GRM4: variants seen among roughly 807,000 people sequenced by gnomAD.
GRM4 encodes metabotropic glutamate receptor 4.
A neutral mutation model predicts 81.7 loss-of-function variants in GRM4; 28 were observed. The observed-to-expected ratio is 0.34, with a 90% CI of 0.25 to 0.47. GRM4 has a LOEUF of 0.47. Among genes scored for constraint, GRM4 ranks in the 20% least tolerant of loss-of-function variants. The probability of loss-of-function intolerance (pLI) is 1.00; values close to 1 mark genes in which losing one functional copy is unlikely to be tolerated. For missense variants in GRM4, 948 were observed against 1,290.0 expected (o/e 0.73, Z 4.06); for synonymous variants, 488 against 528.8 (o/e 0.92, Z 1.06).
intron 1 of GRM4, among the ~76,000 whole-genome samples, chr6:34,138,027 T>G (rs1770534672): frequency 6.6e-6 from 1 of 152,228 alleles, no homozygotes; most frequent in African/African-American, 2.4e-5. Context: ...AGAGAACTGC[T>G]GTGATTTACC....
intron 3 of GRM4, among the ~76,000 whole-genome samples, chr6:34,072,293 T>TACAC (rs568630049): frequency 0.11 from 12,756 of 114,118 alleles, 1,143 homozygotes; most frequent in African/African-American, 0.28. Context: ...ATCACACAGA[T>TACAC]ACCACACACA....
At chr6:34,061,866 GC>G in intron 4 of GRM4, 26 bp downstream of exon 4, 1 of 1,599,768 alleles carries the variant, frequency 6.3e-7, no homozygotes, top group Non-Finnish European at 8.6e-7. Context: ...GGCTCCCGGT[GC>G]CCACCCTGCT....
At chr6:34,141,921 G>A (rs891749318) in intron 1 of GRM4, among the ~76,000 whole-genome samples, 2 of 152,168 alleles carry the variant, frequency 1.3e-5, no homozygotes, top group African/African-American at 4.8e-5. Flanking sequence ...GGGAGAGGGA[G>A]CCCAGAGAGA....
At chr6:34,144,578 C>G (rs895221899) in intron 1 of GRM4, among the ~76,000 whole-genome samples, 2 of 152,166 alleles carry the variant, frequency 1.3e-5, no homozygotes, top group African/African-American at 4.8e-5. Flanking sequence ...CGGCCGCTGG[C>G]GAAGGCGGCG....
chr6:34,028,460 C>T (rs1280555309), intron 9 of GRM4, 94 bp from the exon 10 acceptor site: 8 of 1,380,616 alleles, frequency 5.8e-6, no homozygotes, highest in African/African-American at 1.4e-5. Context: ...CCCGGCATCC[C>T]GCTGCCTTCA....
At chr6:34,119,521 A>G (rs571457613) in intron 2 of GRM4, among the ~76,000 whole-genome samples, 1 of 152,344 alleles carries the variant, frequency 6.6e-6, no homozygotes, top group South Asian at 2.1e-4. Flanking sequence ...ACAGGGCACC[A>G]CGGCACCAGC....
rs1766349396 is a variant in GRM4 at position 34,064,528 on chromosome 6, G to A, written c.737-2500C>T. ...TGGGCCCATGGGCATGATGGGGCATGGTGCCCATGCTGGGGTGAGTGCCCA... is the reference window on the plus strand; with the variant it reads ...TGGGCCCATGGGCATGATGGGGCATAGTGCCCATGCTGGGGTGAGTGCCCA... On this transcript the variant is annotated intron_variant, in intron 3 of 10. Transcript: ENST00000538487. The surrounding 1 kb of genome is among the most constrained non-coding windows in gnomAD (Gnocchi z 4.4). Among the ~76,000 whole-genome samples, 1 of 152,202 alleles carries A rather than the reference G, an allele frequency of 6.6e-6. No homozygotes were observed. The highest frequency in any genetic ancestry group is 2.1e-4 in the South Asian group (1 of 4,834).
chr6:34,050,391 T>C (rs1765558776), intron 6 of GRM4, among the ~76,000 whole-genome samples: 1 of 152,186 alleles, frequency 6.6e-6, no homozygotes, highest in Admixed American at 6.5e-5. Context: ...TCCTCATGAG[T>C]GGCTGGACGC....
intron 3 of GRM4, among the ~76,000 whole-genome samples, chr6:34,082,822 C>T (rs188826862): frequency 1.2e-4 from 19 of 152,328 alleles, no homozygotes; most frequent in East Asian, 5.8e-4. Context: ...CAGAGCCCCT[C>T]GGTAACTGTT....
At position 34,069,676 on chromosome 6, in the gene GRM4, G is replaced by C. The variant is rs142843535; in HGVS notation, c.737-7648C>G. ...TGTGTGTGTGTGTGTGTGTGTGTGT[G>C]TGTGTGTGTGTGACCCTGAGCGCCT... is the stretch of plus-strand genomic sequence containing the variant. On this transcript the variant is annotated intron_variant, in intron 3 of 10. Coordinates refer to ENST00000538487, the MANE Select transcript of GRM4 (RefSeq NM_000841.4). The surrounding 1 kb of genome is among the most constrained non-coding windows in gnomAD (Gnocchi z 6.4). Among the ~76,000 whole-genome samples the C allele has an allele frequency of 0.084, 11,516 of 136,288 alleles. 890 individuals are homozygous for C. The highest frequency in any genetic ancestry group is 0.25 in the African/African-American group (8,510 of 33,680). The allele number at this position is 136,288 out of a possible 152,430, so 89.4% of individuals were successfully genotyped here.
chr6:34,055,239 C>T (rs1279698853), intron 6 of GRM4: 2 of 152,196 alleles, frequency 1.3e-5, no homozygotes, highest in African/African-American at 4.8e-5. Context: ...GCACACACAT[C>T]CCTTCTCTCT....
At chr6:34,108,705 G>A (rs1581706154) in intron 2 of GRM4, among the ~76,000 whole-genome samples, 1 of 152,146 alleles carries the variant, frequency 6.6e-6, no homozygotes, top group East Asian at 1.9e-4. Context: ...CCAATGTCCA[G>A]TTCAGTGCCC....
At chr6:34,079,888 A>G (rs931943135) in intron 3 of GRM4, among the ~76,000 whole-genome samples, 2 of 151,858 alleles carry the variant, frequency 1.3e-5, no homozygotes, top group African/African-American at 4.8e-5. Flanking sequence ...ACACTGGCCC[A>G]GGGCCCCACT....
chr6:34,035,683 C>T lies in GRM4; in HGVS notation c.2427G>A (p.Ser809=), dbSNP rs776592087. ...LAFIPIFFGT[S]QSADKLYIQT... is the part of the protein sequence containing the mutation. ...CACCACTCACCTTGTCGGCCGACTG[C>T]GAGGTGCCAAAGAAGATGGGGATGA... Residue 809 remains serine, a synonymous_variant, in exon 9 of 11, where the codon TCG becomes TCA. Transcript: ENST00000538487. The surrounding 1 kb of genome is among the most constrained non-coding windows in gnomAD (Gnocchi z 6.6). The T allele has an allele frequency of 2.9e-5, 45 of 1,574,876 alleles. No individual in the cohort carries two copies. The Admixed American group carries it at 5.6e-4, about 20-fold the overall frequency.
chr6:34,085,989 G>A (rs1472925207), intron 3 of GRM4, among the ~76,000 whole-genome samples: 1 of 152,218 alleles, frequency 6.6e-6, no homozygotes, highest in Non-Finnish European at 1.5e-5. Context: ...GCTGGTGCCT[G>A]GAACATTTGA....
intron 5 of GRM4, among the ~76,000 whole-genome samples, chr6:34,057,848 G>T (rs927590996): frequency 6.6e-6 from 1 of 152,208 alleles, no homozygotes; most frequent in African/African-American, 2.4e-5. Flanking sequence ...TGCTGGGGAG[G>T]CTAAAGGAGA....
chr6:34,049,667 C>T (rs58860221), intron 6 of GRM4, among the ~76,000 whole-genome samples: 4 of 152,278 alleles, frequency 2.6e-5, no homozygotes, highest in Non-Finnish European at 2.9e-5. Context: ...CCCACCCCAT[C>T]GTAGTGCGTG....
At position 34,035,987 on chromosome 6, in the gene GRM4, G is replaced by A. The variant is rs751971588; in HGVS notation, c.2123C>T (p.Ser708Leu). 10 of 1,613,632 alleles carry A rather than the reference G, an allele frequency of 6.2e-6. No individual in the cohort carries two copies. In the South Asian group the frequency reaches 6.6e-5, roughly 11 times the overall value. ...CACACAGATGCCCAGCAGCTGCAGC[G>A]AGATGAGGCTGAAGGTGATGGCCAG... ...SQLAITFSLI[S>L]LQLLGICVWF... The change falls in exon 9 of 11, where the codon TCG (serine) becomes TTG (leucine). Residue 708 changes from serine (S) to leucine (L), a missense_variant. Ser to Leu is a moderately radical substitution (Grantham distance 145). Coordinates refer to ENST00000538487, the MANE Select transcript of GRM4 (RefSeq NM_000841.4). This position sits in a 1 kb window ranked among gnomAD's most constrained non-coding sequence, Gnocchi z 6.6.
intron 10 of GRM4, among the ~76,000 whole-genome samples, chr6:34,025,083 C>T (rs376903649): frequency 1.5e-3 from 234 of 152,284 alleles, no homozygotes; most frequent in African/African-American, 5.4e-3. Context: ...GGAGGCCTCA[C>T]ACTCTCTCTG....
Sources: gnomAD v4.1 joint callset for allele counts (sites outside exome capture counted in the v4.1 genomes callset) on GRCh38, gnomAD v4.1.1 for gene constraint, Gnocchi (gnomAD v3.1) non-coding constraint, MANE v1.5 for transcripts, NCBI Gene and HGNC (gene_info 2026-07-23, HGNC 2026-07-21) for gene names.